Variants in PARD3B observed in about 807,000 individuals in gnomAD.
PARD3B encodes par-3 family cell polarity regulator beta.
In PARD3B, 103 loss-of-function variants were observed where a neutral mutation model predicts 130.2. The ratio of observed to expected loss-of-function variants is 0.79; its 90% CI spans 0.67 to 0.93. The LOEUF is 0.93. PARD3B is among the 40% of genes least tolerant of loss of function. PARD3B has a pLI of 0.00. For synonymous variants in PARD3B, 583 were observed against 553.2 expected, an observed-to-expected ratio of 1.05 and a Z score of -0.76; for missense variants, 1,609 against 1,499.2, an observed-to-expected ratio of 1.07 and a Z score of -1.21.
chr2:205,279,178 G>A (rs967323522), intron 16 of PARD3B, among the ~76,000 whole-genome samples: 25 of 147,378 alleles, frequency 1.7e-4, no homozygotes, highest in African/African-American at 4.3e-4. Flanking sequence ...AAGAATTGCC[G>A]AAATAAGTGG....
chr2:205,600,957 G>A (rs1009832082), intron 22 of PARD3B, among the ~76,000 whole-genome samples: 6 of 152,182 alleles, frequency 3.9e-5, no homozygotes, highest in Non-Finnish European at 8.8e-5. Flanking sequence ...TAGTGCTGCA[G>A]TGAACATACA....
chr2:205,512,656 A>G (rs1395128020), intron 21 of PARD3B, among the ~76,000 whole-genome samples: 1 of 152,196 alleles, frequency 6.6e-6, no homozygotes, highest in East Asian at 1.9e-4. Context: ...TTGTATCATC[A>G]ACACTTACCT....
chr2:205,599,741 C>T (rs1079943), intron 22 of PARD3B, among the ~76,000 whole-genome samples: 86,523 of 152,012 alleles, frequency 0.57, 25,773 homozygotes, highest in African/African-American at 0.68. Flanking sequence ...GTTCCAGTCA[C>T]GTATGAATCT....
chr2:205,496,148 C>CA (rs2049916856), intron 20 of PARD3B, among the ~76,000 whole-genome samples: 1 of 152,164 alleles, frequency 6.6e-6, no homozygotes, highest in African/African-American at 2.4e-5. Context: ...GCCACTATCA[C>CA]AAAGGTGTAT....
intron 18 of PARD3B, among the ~76,000 whole-genome samples, chr2:205,336,602 T>G (rs1431317719): frequency 6.6e-6 from 1 of 152,214 alleles, no homozygotes; most frequent in East Asian, 1.9e-4. Context: ...TGGGACACAT[T>G]CATTTGTTCA....
chr2:204,998,524 A>T (rs1429266113), intron 3 of PARD3B, among the ~76,000 whole-genome samples: 1 of 114,040 alleles, frequency 8.8e-6, no homozygotes, highest in African/African-American at 3.5e-5. Context: ...ATGTGTGTGT[A>T]TATATATGTG....
Position 205,280,684 on chromosome 2 carries a change from A to G in PARD3B, c.2186-19846A>G, listed in dbSNP as rs1379174382. Reference sequence around the variant, plus strand: ...TACAAGTGGTTCCTTGATAAAGTTAACACTTAGTTAATTACCCAGAGCCTT... The same window carrying G: ...TACAAGTGGTTCCTTGATAAAGTTAGCACTTAGTTAATTACCCAGAGCCTT... On this transcript the variant is annotated intron_variant, in intron 16 of 22. Coordinates refer to ENST00000406610, the MANE Select transcript of PARD3B (RefSeq NM_001302769.2). The surrounding 1 kb of genome is among the most constrained non-coding windows in gnomAD (Gnocchi z 4.7). 6.6e-6 allele frequency among the ~76,000 whole-genome samples: 1 copy of G among 152,194 alleles called. No individual in the cohort carries two copies. The highest frequency in any genetic ancestry group is 6.5e-5 in the Admixed American group (1 of 15,282).
chr2:205,440,678 A>C lies in PARD3B; in HGVS notation c.3044+6A>C, dbSNP rs753310846. 2.1e-5 allele frequency: 33 copies of C among 1,602,400 alleles called. No homozygotes were observed. The highest frequency in any genetic ancestry group is 8.0e-5 in the African/African-American group (6 of 74,588). Reference sequence around the variant, plus strand: ...CCACTGGTTCCAGCTGACAGGTAATAAACTTAGTGAAAGATAAATGTAGCT... The same window carrying C: ...CCACTGGTTCCAGCTGACAGGTAATCAACTTAGTGAAAGATAAATGTAGCT... On this transcript the variant is annotated splice_donor_region_variant and intron_variant, in intron 20 of 22. Transcript: ENST00000406610. This position sits in a 1 kb window ranked among gnomAD's most constrained non-coding sequence, Gnocchi z 4.2.
At chr2:204,552,387 C>T (rs78328365) in intron 1 of PARD3B, among the ~76,000 whole-genome samples, 2,271 of 152,206 alleles carry the variant, frequency 0.015, 22 homozygotes, top group Non-Finnish European at 0.023. Context: ...CATCCTCTGT[C>T]TCTGGTACTG....
Position 205,440,819 on chromosome 2 carries a change from C to G in PARD3B, c.3044+147C>G, listed in dbSNP as rs1159361240. The G allele has an allele frequency of 2.5e-6, 2 of 795,650 alleles. No individual in the cohort carries two copies. Among genetic ancestry groups the G allele is most frequent in the African/African-American group, 1.7e-5 (1 of 57,282 alleles). The allele number at this position is 795,650 out of a possible 1,614,324, so 49.3% of individuals were successfully genotyped here. A position where few individuals can be genotyped will look rare whatever the true frequency, so the allele number is the denominator to read the frequency against. On this transcript the variant is annotated intron_variant, in intron 20 of 22. Transcript: ENST00000406610. The surrounding 1 kb of genome is among the most constrained non-coding windows in gnomAD (Gnocchi z 4.2). ...TAGACAAGTGCCATCCTTTGACCGA[C>G]CTGTAAGATATCCACCATCAAAAAT...
rs549088466 is a variant in PARD3B at position 205,345,528 on chromosome 2, T to C, written c.2630+43827T>C. Among the ~76,000 whole-genome samples the C allele has an allele frequency of 1.2e-3, 186 of 152,052 alleles. 1 individual carries two copies. Among genetic ancestry groups the C allele is most frequent in the African/African-American group, 4.2e-3 (174 of 41,514 alleles). On this transcript the variant is annotated intron_variant, in intron 18 of 22. Transcript: ENST00000406610. ...TCTGCTGTTTACTCAAGGTGCCATA[T>C]TTTGAGGTAGCATGTCCTGAACTCC... is the stretch of plus-strand genomic sequence containing the variant.
At chr2:205,571,634 G>T (rs1034474958) in intron 22 of PARD3B, among the ~76,000 whole-genome samples, 3 of 152,180 alleles carry the variant, frequency 2.0e-5, no homozygotes, top group Non-Finnish European at 4.4e-5. Flanking sequence ...GACTAACAGG[G>T]TTTGGCTTTT....
chr2:204,971,490 G>A (rs1028029481), intron 3 of PARD3B, among the ~76,000 whole-genome samples: 3 of 152,312 alleles, frequency 2.0e-5, no homozygotes, highest in African/African-American at 7.2e-5. Context: ...TTGCGTAGAT[G>A]AATTCATAAG....
At chr2:204,838,947 G>C (rs1190708942) in intron 2 of PARD3B, among the ~76,000 whole-genome samples, 7 of 152,160 alleles carry the variant, frequency 4.6e-5, no homozygotes, top group African/African-American at 1.4e-4. Flanking sequence ...GAGGGTTCTA[G>C]GGTATCCTCT....
At chr2:205,378,635 CTTTT>C (rs559839181) in intron 18 of PARD3B, among the ~76,000 whole-genome samples, 1 of 137,126 alleles carries the variant, frequency 7.3e-6, no homozygotes, top group Admixed American at 7.3e-5. Context: ...ATTTTTTTTT[CTTTT>C]TTTTTTTTTT....
intron 3 of PARD3B, among the ~76,000 whole-genome samples, chr2:205,006,526 A>C (rs567006640): frequency 2.6e-5 from 4 of 152,140 alleles, no homozygotes; most frequent in Non-Finnish European, 5.9e-5. Flanking sequence ...GTGGAATCTC[A>C]TAGTGGTTTT....
At chr2:204,999,557 A>G (rs558699082) in intron 3 of PARD3B, among the ~76,000 whole-genome samples, 4 of 152,260 alleles carry the variant, frequency 2.6e-5, no homozygotes, top group African/African-American at 9.6e-5. Flanking sequence ...TTTTCTATCC[A>G]CTGGAGATGA....
At chr2:204,809,187 T>A (rs554391736) in intron 2 of PARD3B, among the ~76,000 whole-genome samples, 2 of 152,164 alleles carry the variant, frequency 1.3e-5, no homozygotes, top group Non-Finnish European at 2.9e-5. Flanking sequence ...ACCTTTGTCA[T>A]GTGCATAGTT....
chr2:205,560,796 T>C (rs565239477), intron 22 of PARD3B, among the ~76,000 whole-genome samples: 115 of 152,362 alleles, frequency 7.5e-4, no homozygotes, highest in African/African-American at 2.7e-3. Context: ...AGCAATATAC[T>C]GGAGCTGAGT....
Sources: gnomAD v4.1 joint callset for allele counts (sites outside exome capture counted in the v4.1 genomes callset) on GRCh38, gnomAD v4.1.1 for gene constraint, Gnocchi (gnomAD v3.1) non-coding constraint, MANE v1.5 for transcripts, NCBI Gene and HGNC (gene_info 2026-07-23, HGNC 2026-07-21) for gene names.